Variants in DACH1 observed in about 807,000 individuals in gnomAD.
DACH1 encodes dachshund homolog 1.
A neutral mutation model predicts 54.2 loss-of-function variants in DACH1; 12 were observed. That is an observed-to-expected ratio of 0.22 (90% CI 0.14 to 0.36). DACH1 has a LOEUF of 0.36. Among genes scored for constraint, DACH1 ranks in the 10% least tolerant of loss-of-function variants. The pLI is 1.00. For missense variants in DACH1, 805 were observed against 929.8 expected (o/e 0.87, Z 1.75); for synonymous variants, 386 against 366.2 (o/e 1.05, Z -0.62).
chr13:71,509,307 A>T (rs970613602), intron 6 of DACH1, among the ~76,000 whole-genome samples: 12 of 152,172 alleles, frequency 7.9e-5, no homozygotes, highest in African/African-American at 2.9e-4. Context: ...AAACTCAAAA[A>T]CATTCTTTCA....
intron 10 of DACH1, among the ~76,000 whole-genome samples, chr13:71,462,051 GAAAT>G (rs1187085588): frequency 6.6e-6 from 1 of 151,884 alleles, no homozygotes; most frequent in Non-Finnish European, 1.5e-5. Flanking sequence ...CTCCCAGGGA[GAAAT>G]AAATAAAGAA....
At chr13:71,842,756 T>C (rs1872964756) in intron 1 of DACH1, among the ~76,000 whole-genome samples, 1 of 152,144 alleles carries the variant, frequency 6.6e-6, no homozygotes, top group South Asian at 2.1e-4. Flanking sequence ...ACTCACCTAT[T>C]ACTCAAAGTT....
At chr13:71,557,996 A>C (rs1015634440) in intron 5 of DACH1, among the ~76,000 whole-genome samples, 2 of 151,998 alleles carry the variant, frequency 1.3e-5, no homozygotes, top group South Asian at 4.1e-4. Flanking sequence ...GCTTTAAAAA[A>C]TATTGGTGGG....
chr13:71,480,360 T>C (rs1877921015), intron 7 of DACH1, among the ~76,000 whole-genome samples: 1 of 152,214 alleles, frequency 6.6e-6, no homozygotes, highest in African/African-American at 2.4e-5. Context: ...AAGCAAAGTT[T>C]ATTCATACAA....
At chr13:71,679,405 T>A (rs948586235) in intron 2 of DACH1, among the ~76,000 whole-genome samples, 3 of 152,154 alleles carry the variant, frequency 2.0e-5, no homozygotes, top group Admixed American at 6.6e-5. Context: ...ATTTAATCAT[T>A]ACTTTGGTAA....
intron 3 of DACH1, among the ~76,000 whole-genome samples, chr13:71,584,384 G>A (rs918914015): frequency 5.3e-5 from 8 of 152,044 alleles, no homozygotes; most frequent in Non-Finnish European, 1.0e-4. Context: ...TATACTTTAC[G>A]CTTAGTGTAA....
chr13:71,704,991 C>T (rs867127780), intron 1 of DACH1, among the ~76,000 whole-genome samples: 11 of 151,920 alleles, frequency 7.2e-5, no homozygotes, highest in African/African-American at 1.7e-4. Context: ...AAAATAAATT[C>T]GGTAATTTCT....
intron 1 of DACH1, among the ~76,000 whole-genome samples, chr13:71,755,696 A>C (rs1002766356): frequency 1.3e-5 from 2 of 152,212 alleles, no homozygotes; most frequent in African/African-American, 4.8e-5. Context: ...AGAACATGGG[A>C]TACTACTTTC....
chr13:71,651,668 C>CTGTATATGTATATGTATA (rs1184092128), intron 2 of DACH1, among the ~76,000 whole-genome samples: 9 of 126,022 alleles, frequency 7.1e-5, no homozygotes, highest in African/African-American at 2.8e-4. Context: ...GTATCTGTAT[C>CTGTATATGTATATGTATA]TGTATCTGTA....
At chr13:71,730,048 A>G (rs1883665763) in intron 1 of DACH1, among the ~76,000 whole-genome samples, 1 of 152,130 alleles carries the variant, frequency 6.6e-6, no homozygotes, top group African/African-American at 2.4e-5. Flanking sequence ...TGGTACAATG[A>G]AAGTTGATCA....
chr13:71,750,923 G>A (rs374110367), intron 1 of DACH1, among the ~76,000 whole-genome samples: 13 of 152,052 alleles, frequency 8.5e-5, no homozygotes, highest in African/African-American at 3.1e-4. Flanking sequence ...AGAAAAGATG[G>A]CTAAAAAAAA....
At chr13:71,678,625 CTTCT>C (rs770572637) in intron 2 of DACH1, among the ~76,000 whole-genome samples, 17 of 151,528 alleles carry the variant, frequency 1.1e-4, no homozygotes, top group Non-Finnish European at 2.5e-4. Context: ...TCCTTCCTTC[CTTCT>C]TTTTTTCTTC....
chr13:71,446,299 GT>G (rs776716865), intron 10 of DACH1, among the ~76,000 whole-genome samples: 1 of 152,104 alleles, frequency 6.6e-6, no homozygotes, highest in Non-Finnish European at 1.5e-5. Context: ...TATATTTCCT[GT>G]TTGTTCCTCA....
At chr13:71,708,132 G>T (rs546303375) in intron 1 of DACH1, among the ~76,000 whole-genome samples, 2 of 139,936 alleles carry the variant, frequency 1.4e-5, no homozygotes, top group Admixed American at 1.4e-4. Flanking sequence ...AAAAAAAAAA[G>T]TAAAAACAAA....
At chr13:71,618,784 G>C (rs559384369) in intron 3 of DACH1, among the ~76,000 whole-genome samples, 1 of 151,778 alleles carries the variant, frequency 6.6e-6, no homozygotes, top group Admixed American at 6.6e-5. Context: ...AGGTCAATGG[G>C]TTAAAATAAT....
chr13:71,440,740 A>G (rs1873941249), intron 10 of DACH1, 48 bp from the exon 11 acceptor site: 1 of 1,399,174 alleles, frequency 7.1e-7, no homozygotes, highest in African/African-American at 1.4e-5. Context: ...TATTTGGGGT[A>G]CAAATGTGCA....
intron 1 of DACH1, among the ~76,000 whole-genome samples, chr13:71,804,142 G>T (rs1408769133): frequency 1.3e-5 from 2 of 152,118 alleles, no homozygotes; most frequent in East Asian, 3.9e-4. Flanking sequence ...AACATAGCAA[G>T]ACTCTAACTC....
rs1026030961 is a variant in DACH1, at chr13:71,439,988, T to A, written c.*667A>T. The A allele has an allele frequency of 6.6e-6, 1 of 152,180 alleles. No homozygotes were observed. The highest frequency in any genetic ancestry group is 1.5e-5 in the Non-Finnish European group (1 of 67,918). The allele number at this position is 152,180 out of a possible 1,614,324, so 9.4% of individuals were successfully genotyped here. A position where few individuals can be genotyped will look rare whatever the true frequency, so the allele number is the denominator to read the frequency against. On this transcript the variant is annotated 3_prime_UTR_variant, in exon 11 of 11. Coordinates refer to ENST00000613252, the MANE Select transcript of DACH1 (RefSeq NM_080759.6). ...GAAAAAAAAACCTTCAGTGAAAGCT[T>A]TTGGCTTATATTCAATGCTTCTTTT...
intron 2 of DACH1, among the ~76,000 whole-genome samples, chr13:71,652,260 C>T (rs1054329011): frequency 1.1e-4 from 16 of 152,222 alleles, no homozygotes; most frequent in African/African-American, 3.9e-4. Flanking sequence ...TCTAACAAAT[C>T]GTTACTGTCC....
Sources: gnomAD v4.1 joint callset for allele counts (sites outside exome capture counted in the v4.1 genomes callset) on GRCh38, gnomAD v4.1.1 for gene constraint, MANE v1.5 for transcripts, NCBI Gene and HGNC (gene_info 2026-07-23, HGNC 2026-07-21) for gene names.